Variants in SLC35F3 observed in about 807,000 individuals in gnomAD.
The protein encoded by SLC35F3 is putative thiamine transporter SLC35F3.
In SLC35F3, 25 loss-of-function variants were observed where a neutral mutation model predicts 49.9. That is an observed-to-expected ratio of 0.50 (90% CI 0.37 to 0.70). The LOEUF (loss-of-function observed/expected upper bound fraction) is 0.70, where lower values mean the gene tolerates loss of function less well. Ranked by LOEUF, SLC35F3 falls within the 30% of genes least tolerant of loss-of-function variation. SLC35F3 has a pLI of 0.00. For missense variants in SLC35F3, 525 were observed against 639.8 expected (o/e 0.82, Z 1.94); for synonymous variants, 275 against 265.4 (o/e 1.04, Z -0.35).
rs1254331209 is a variant in SLC35F3 at position 234,194,598 on chromosome 1, T to A, written c.284-36819T>A. ...CTGTTCCCCCTCAAACCTATGGAAATTTTTTAAAAAATTAATGCAATAAAA... is the reference window on the plus strand; with the variant it reads ...CTGTTCCCCCTCAAACCTATGGAAAATTTTTAAAAAATTAATGCAATAAAA... On this transcript the variant is annotated intron_variant, in intron 2 of 7. Transcript: ENST00000366618. Among the ~76,000 whole-genome samples, 7 of 149,050 alleles carry A rather than the reference T, an allele frequency of 4.7e-5. No homozygotes were observed. The Admixed American group carries it at 4.8e-4, about 10-fold the overall frequency.
At chr1:234,272,944 C>T (rs1572128333) in intron 3 of SLC35F3, among the ~76,000 whole-genome samples, 1 of 152,334 alleles carries the variant, frequency 6.6e-6, no homozygotes, top group Admixed American at 6.5e-5. Context: ...GAAGCCCGCG[C>T]AGGACAGTCA....
chr1:234,098,326 T>C (rs1475030542), intron 2 of SLC35F3, among the ~76,000 whole-genome samples: 2 of 141,368 alleles, frequency 1.4e-5, no homozygotes, highest in Non-Finnish European at 3.0e-5. Context: ...ATGATGGAGG[T>C]GGTGATTGTG....
At chr1:234,294,124 T>G (rs1668553394) in intron 3 of SLC35F3, among the ~76,000 whole-genome samples, 1 of 152,174 alleles carries the variant, frequency 6.6e-6, no homozygotes. Context: ...TTAACACAGC[T>G]CCTGAAAATA....
intron 2 of SLC35F3, among the ~76,000 whole-genome samples, chr1:234,186,197 G>A (rs1666641437): frequency 6.6e-6 from 1 of 152,204 alleles, no homozygotes; most frequent in South Asian, 2.1e-4. Context: ...AATATCCCTG[G>A]CACCTCATTT....
chr1:233,912,330 T>G (rs1661888835), intron 2 of SLC35F3, among the ~76,000 whole-genome samples: 1 of 151,776 alleles, frequency 6.6e-6, no homozygotes, highest in Non-Finnish European at 1.5e-5. Flanking sequence ...ATACAAAAAT[T>G]AGACCGGCAT....
At chr1:233,976,877 C>G (rs1454529011) in intron 2 of SLC35F3, among the ~76,000 whole-genome samples, 3 of 152,174 alleles carry the variant, frequency 2.0e-5, no homozygotes, top group Non-Finnish European at 4.4e-5. Context: ...TCCCCAAGTG[C>G]TGGAATTACA....
intron 2 of SLC35F3, among the ~76,000 whole-genome samples, chr1:234,131,156 G>A (rs1665729645): frequency 6.6e-6 from 1 of 150,546 alleles, no homozygotes; most frequent in Admixed American, 6.6e-5. Context: ...GGCATGAGGG[G>A]GCTTCTGAGG....
At chr1:233,942,558 G>A (rs1007590055) in intron 2 of SLC35F3, among the ~76,000 whole-genome samples, 1 of 152,050 alleles carries the variant, frequency 6.6e-6, no homozygotes, top group Non-Finnish European at 1.5e-5. Context: ...GGCTACAGGT[G>A]TGCTGCCAGC....
chr1:234,286,641 T>C (rs550820943), intron 3 of SLC35F3, among the ~76,000 whole-genome samples: 1 of 152,320 alleles, frequency 6.6e-6, no homozygotes, highest in Admixed American at 6.5e-5. Context: ...TCCATGAGGA[T>C]GATGAGGGAG....
intron 2 of SLC35F3, among the ~76,000 whole-genome samples, chr1:234,125,970 C>T (rs550556642): frequency 9.4e-4 from 143 of 152,318 alleles, no homozygotes; most frequent in Non-Finnish European, 1.6e-3. Flanking sequence ...CTCTGCAATC[C>T]TGAGCAAGGA....
At chr1:234,174,798 G>T (rs1463284825) in intron 2 of SLC35F3, among the ~76,000 whole-genome samples, 2 of 152,228 alleles carry the variant, frequency 1.3e-5, no homozygotes, top group African/African-American at 2.4e-5. Flanking sequence ...TCGTCAACAA[G>T]GTGCCTATCA....
intron 2 of SLC35F3, among the ~76,000 whole-genome samples, chr1:234,205,225 G>A (rs771022915): frequency 5.3e-5 from 8 of 152,144 alleles, no homozygotes; most frequent in Non-Finnish European, 7.4e-5. Context: ...TGGGTGGGCC[G>A]CACTCTGAGG....
chr1:234,058,328 A>ATTTTTTTTTTTTTTTTTTTTT lies in SLC35F3; in HGVS notation c.283+152580_283+152600dup, dbSNP rs56960667. The stretch of plus-strand genomic sequence containing the variant: ...TAATTGTCTTTATAAATGTTCCTGA[A>ATTTTTTTTTTTTTTTTTTTTT]TTTTTTTTTTTTTTTTTTTTTTTTT... On this transcript the variant is annotated intron_variant, in intron 2 of 7. Transcript: ENST00000366618. 2.8e-4 allele frequency among the ~76,000 whole-genome samples: 11 copies of ATTTTTTTTTTTTTTTTTTTTT among 39,796 alleles called. 3 individuals carry two copies. The highest frequency in any genetic ancestry group is 1.5e-3 in the African/African-American group (11 of 7,286). The allele number at this position is 39,796 out of a possible 152,430, so 26.1% of individuals were successfully genotyped here. A position where few individuals can be genotyped will look rare whatever the true frequency, so the allele number is the denominator to read the frequency against.
At chr1:234,010,537 AAGAC>A (rs1433677920) in intron 2 of SLC35F3, among the ~76,000 whole-genome samples, 4 of 152,194 alleles carry the variant, frequency 2.6e-5, no homozygotes, top group African/African-American at 9.6e-5. Context: ...CTCCAATAAA[AAGAC>A]AGAGTGGCTG....
intron 2 of SLC35F3, among the ~76,000 whole-genome samples, chr1:234,155,319 C>G (rs965036477): frequency 1.3e-5 from 2 of 152,058 alleles, no homozygotes; most frequent in African/African-American, 4.8e-5. Context: ...TCTACTGGGA[C>G]TGGTTTCTTA....
At chr1:233,963,318 T>G (rs1462184556) in intron 2 of SLC35F3, among the ~76,000 whole-genome samples, 2 of 151,650 alleles carry the variant, frequency 1.3e-5, no homozygotes, top group Non-Finnish European at 2.9e-5. Context: ...TTTCTTTTTT[T>G]GAGATGGAGT....
intron 2 of SLC35F3, among the ~76,000 whole-genome samples, chr1:234,138,814 G>A (rs907039917): frequency 9.2e-5 from 14 of 152,184 alleles, no homozygotes; most frequent in Admixed American, 7.9e-4. Flanking sequence ...GCCTCCCAAA[G>A]TGTTGGAATT....
intron 2 of SLC35F3, among the ~76,000 whole-genome samples, chr1:234,126,476 C>CGTGTGTGTGTGTGTGTGT (rs147108235): frequency 0.075 from 8,935 of 119,300 alleles, 389 homozygotes; most frequent in African/African-American, 0.15. Context: ...CCCTGTTTTA[C>CGTGTGTGTGTGTGTGTGT]ATGTGTGTGT....
intron 2 of SLC35F3, among the ~76,000 whole-genome samples, chr1:234,073,480 C>T (rs558346845): frequency 6.6e-6 from 1 of 152,278 alleles, no homozygotes; most frequent in African/African-American, 2.4e-5. Flanking sequence ...TCCATAAGCA[C>T]CTTGCATAGC....
Sources: gnomAD v4.1 joint callset for allele counts (sites outside exome capture counted in the v4.1 genomes callset) on GRCh38, gnomAD v4.1.1 for gene constraint, MANE v1.5 for transcripts, NCBI Gene and HGNC (gene_info 2026-07-23, HGNC 2026-07-21) for gene names.